ADAMTS16: variants seen among roughly 807,000 people sequenced by gnomAD.
ADAMTS16 encodes the protein A disintegrin and metalloproteinase with thrombospondin motifs 16.
A neutral mutation model predicts 145.8 loss-of-function variants in ADAMTS16; 94 were observed. That is an observed-to-expected ratio of 0.64 (90% CI 0.55 to 0.77). ADAMTS16 has a LOEUF of 0.77. Among genes scored for constraint, ADAMTS16 ranks in the 30% least tolerant of loss-of-function variants. The pLI, the probability that ADAMTS16 is intolerant of heterozygous loss-of-function variation, is 0.00. For missense variants in ADAMTS16, 1,585 were observed against 1,591.5 expected (o/e 1.00, Z 0.07); for synonymous variants, 659 against 604.3 (o/e 1.09, Z -1.33).
rs989993040 is a variant in ADAMTS16 at position 5,244,294 on chromosome 5, C to T, written c.2662+2103C>T. Among the ~76,000 whole-genome samples the T allele has an allele frequency of 1.4e-4, 22 of 152,338 alleles. No individual in the cohort carries two copies. In the East Asian group the frequency reaches 3.9e-3, roughly 27 times the overall value. ...ACAGCCTTTCTCTCCTGTTCTCTCT[C>T]TTTCCTTCCCTAGTATCCCCAGAAT... On this transcript the variant is annotated intron_variant, in intron 17 of 22. Transcript: ENST00000274181.
At chr5:5,223,139 G>T in intron 11 of ADAMTS16, 4 of 489,328 alleles carry the variant, frequency 8.2e-6, no homozygotes, top group Admixed American at 6.6e-5. Flanking sequence ...GGTGATGACA[G>T]ATTCAGTCTA....
intron 10 of ADAMTS16, among the ~76,000 whole-genome samples, chr5:5,212,896 A>G (rs754229953): frequency 1.3e-5 from 2 of 152,098 alleles, no homozygotes; most frequent in African/African-American, 2.4e-5. Context: ...AGATTAAACT[A>G]TTTTTTAAAT....
At position 5,303,382 on chromosome 5, in the gene ADAMTS16, C is replaced by G. The variant is rs1560998825; in HGVS notation, c.2904C>G (p.Ser968Arg). Residue 968 changes from serine (S) to arginine (R), a missense_variant, in exon 19 of 23, where the codon AGC (serine) becomes AGG (arginine). Transcript: ENST00000274181. ...ATGACTCGGAGCCAGTCCCGGCCAG[C>G]CTGTGCCCTCAGCCTGCTCCCTCCA... Reference protein sequence around the residue: ...VHYDSEPVPASLCPQPAPSSR... With the variant: ...VHYDSEPVPARLCPQPAPSSR... The G allele has an allele frequency of 6.2e-7, 1 of 1,604,432 alleles. No individual in the cohort carries two copies. Among genetic ancestry groups the G allele is most frequent in the Admixed American group, 1.7e-5 (1 of 58,314 alleles).
chr5:5,318,591 C>T (rs909200655), intron 22 of ADAMTS16, among the ~76,000 whole-genome samples: 1 of 152,180 alleles, frequency 6.6e-6, no homozygotes, highest in African/African-American at 2.4e-5. Context: ...AAAAGCCTCC[C>T]TTATTCACTG....
At chr5:5,159,773 A>C (rs571869892) in intron 3 of ADAMTS16, among the ~76,000 whole-genome samples, 82 of 152,338 alleles carry the variant, frequency 5.4e-4, no homozygotes, top group East Asian at 3.5e-3. Flanking sequence ...AGTGTTCTGC[A>C]ATGTTTAGAG....
At chr5:5,261,995 T>C (rs1450991067) in intron 17 of ADAMTS16, among the ~76,000 whole-genome samples, 1 of 152,208 alleles carries the variant, frequency 6.6e-6, no homozygotes, top group Non-Finnish European at 1.5e-5. Context: ...CTATTCCTGG[T>C]ACCTCACTTA....
intron 18 of ADAMTS16, 32 bp from the exon 19 acceptor site, chr5:5,303,236 T>C (rs11959893): frequency 0.65 from 979,732 of 1,504,702 alleles, 320,522 homozygotes; most frequent in Non-Finnish European, 0.66. Flanking sequence ...GATGGAGCCA[T>C]CCCTCACCGA....
At chr5:5,289,203 A>AG (rs1739210757) in intron 18 of ADAMTS16, among the ~76,000 whole-genome samples, 1 of 135,728 alleles carries the variant, frequency 7.4e-6, no homozygotes, top group South Asian at 2.7e-4. Context: ...AACAGATAAT[A>AG]GAAAAAAAAG....
At chr5:5,155,244 A>G (rs814775) in intron 3 of ADAMTS16, among the ~76,000 whole-genome samples, 51,037 of 151,932 alleles carry the variant, frequency 0.34, 9,114 homozygotes, top group Admixed American at 0.47. Context: ...CACAAGGAAC[A>G]GATAGGAAGT....
intron 17 of ADAMTS16, among the ~76,000 whole-genome samples, chr5:5,261,467 A>G (rs905810825): frequency 4.0e-5 from 6 of 149,734 alleles, no homozygotes; most frequent in Non-Finnish European, 7.4e-5. Context: ...TCATTCCTCA[A>G]AGTGTCTTTT....
At chr5:5,166,902 C>T (rs563680973) in intron 3 of ADAMTS16, among the ~76,000 whole-genome samples, 16 of 152,310 alleles carry the variant, frequency 1.1e-4, no homozygotes, top group Admixed American at 2.6e-4. Flanking sequence ...CTCTTCCCTC[C>T]GCTGGGCCCA....
intron 18 of ADAMTS16, among the ~76,000 whole-genome samples, chr5:5,294,220 T>C (rs146505002): frequency 6.6e-6 from 1 of 152,224 alleles, no homozygotes; most frequent in African/African-American, 2.4e-5. Context: ...GAACCAATTA[T>C]ATGCGGATGT....
chr5:5,148,383 A>C (rs1373197056), intron 3 of ADAMTS16, among the ~76,000 whole-genome samples: 5 of 152,274 alleles, frequency 3.3e-5, no homozygotes, highest in Non-Finnish European at 1.5e-5. Context: ...GATCTCTTCT[A>C]GCAGGAAATG....
At chr5:5,178,648 T>A (rs950659056) in intron 3 of ADAMTS16, among the ~76,000 whole-genome samples, 1 of 152,228 alleles carries the variant, frequency 6.6e-6, no homozygotes, top group African/African-American at 2.4e-5. Context: ...GACTAAATTA[T>A]TAATGAAACA....
chr5:5,185,666 C>G (rs1212879416), intron 4 of ADAMTS16, among the ~76,000 whole-genome samples: 2 of 152,174 alleles, frequency 1.3e-5, no homozygotes, highest in Non-Finnish European at 2.9e-5. Flanking sequence ...CCAGCCAGCT[C>G]GTGTTCTTGT....
Position 5,146,533 on chromosome 5 carries a change from C to T in ADAMTS16, c.501+78C>T, listed in dbSNP as rs1451175736. The T allele has an allele frequency of 7.2e-6, 10 of 1,395,152 alleles. No individual in the cohort carries two copies. In the South Asian group the frequency reaches 9.4e-5, roughly 13 times the overall value. 86.4% of individuals were successfully genotyped at this position (1,395,152 alleles called of 1,614,324 possible). A position where few individuals can be genotyped will look rare whatever the true frequency, so the allele number is the denominator to read the frequency against. ...GGAGAGCGTAACCAGGACTTTCCCT[C>T]GATTTCGCATAGATGTTCTTCTAGT... is the stretch of plus-strand genomic sequence containing the variant. On this transcript the variant is annotated intron_variant, in intron 3 of 22. Coordinates refer to ENST00000274181, the MANE Select transcript of ADAMTS16 (RefSeq NM_139056.4).
intron 3 of ADAMTS16, among the ~76,000 whole-genome samples, chr5:5,148,288 A>G (rs140925563): frequency 6.6e-6 from 1 of 152,298 alleles, no homozygotes; most frequent in African/African-American, 2.4e-5. Flanking sequence ...TCGTCATAAG[A>G]CAGGACAAAT....
At chr5:5,255,740 A>C (rs1164808685) in intron 17 of ADAMTS16, among the ~76,000 whole-genome samples, 1 of 152,240 alleles carries the variant, frequency 6.6e-6, no homozygotes. Context: ...AGAGTGTGAA[A>C]GAAGAAGGTA....
At chr5:5,216,551 T>C (rs1736446339) in intron 10 of ADAMTS16, among the ~76,000 whole-genome samples, 2 of 152,170 alleles carry the variant, frequency 1.3e-5, no homozygotes, top group Non-Finnish European at 1.5e-5. Context: ...GCTATTTATC[T>C]TTGTTTTTAT....
Sources: gnomAD v4.1 joint callset for allele counts (sites outside exome capture counted in the v4.1 genomes callset) on GRCh38, gnomAD v4.1.1 for gene constraint, MANE v1.5 for transcripts, NCBI Gene and HGNC (gene_info 2026-07-23, HGNC 2026-07-21) for gene names.